The following PDE1A variants were observed in gnomAD, a reference collection of about 807,000 sequenced individuals.
PDE1A encodes dual specificity calcium/calmodulin-dependent 3',5'-cyclic nucleotide phosphodiesterase 1A.
In PDE1A, 35 loss-of-function variants were observed where a neutral mutation model predicts 61.7. That is an observed-to-expected ratio of 0.57 (90% CI 0.43 to 0.75). The LOEUF is 0.75. Ranked by LOEUF, PDE1A falls within the 30% of genes least tolerant of loss-of-function variation. PDE1A has a pLI of 0.00. For synonymous variants in PDE1A, 232 were observed against 213.2 expected (o/e 1.09, Z -0.77); for missense variants, 597 against 630.6 (o/e 0.95, Z 0.57).
the PDE1A span, among the ~76,000 whole-genome samples, chr2:182,600,754 C>T: frequency 1.3e-5 from 2 of 152,136 alleles, no homozygotes; most frequent in Non-Finnish European, 2.9e-5. Flanking sequence ...TTTTAAACAA[C>T]GTGTGGTAGA....
intron 7 of PDE1A, among the ~76,000 whole-genome samples, chr2:182,215,904 TA>T (rs1688133665): frequency 1.7e-5 from 2 of 118,492 alleles, no homozygotes; most frequent in Non-Finnish European, 3.4e-5. Flanking sequence ...GAATCCTCCC[TA>T]ACTCATTTTA....
At chr2:182,192,012 T>C (rs1685740905) in intron 10 of PDE1A, among the ~76,000 whole-genome samples, 2 of 151,936 alleles carry the variant, frequency 1.3e-5, no homozygotes, top group Admixed American at 6.6e-5. Context: ...CCTGCCACCA[T>C]GCTGAGCTAA....
chr2:182,596,538 T>C, the PDE1A span, among the ~76,000 whole-genome samples: 1 of 152,246 alleles, frequency 6.6e-6, no homozygotes, highest in Admixed American at 6.5e-5. Flanking sequence ...TGGTTTATAC[T>C]TTAAATACTT....
chr2:182,335,343 A>T (rs541241490), intron 1 of PDE1A, among the ~76,000 whole-genome samples: 2 of 152,356 alleles, frequency 1.3e-5, no homozygotes, highest in African/African-American at 4.8e-5. Context: ...AGCTGGAGGC[A>T]TCACGCTACC....
chr2:182,494,080 A>G (rs750531199), intron 2 of PDE1A, among the ~76,000 whole-genome samples: 15 of 152,240 alleles, frequency 9.9e-5, no homozygotes, highest in Non-Finnish European at 4.4e-5. Context: ...TGTACATTCA[A>G]AACAATCGAG....
At chr2:182,183,186 T>C (rs539121014) in intron 13 of PDE1A, among the ~76,000 whole-genome samples, 2 of 152,226 alleles carry the variant, frequency 1.3e-5, no homozygotes, top group Non-Finnish European at 2.9e-5. Context: ...TGAAGAGGAA[T>C]ACTTCCTGCT....
intron 1 of PDE1A, among the ~76,000 whole-genome samples, chr2:182,281,473 G>A (rs1693801789): frequency 6.6e-6 from 1 of 151,878 alleles, no homozygotes; most frequent in Non-Finnish European, 1.5e-5. Context: ...AAACCCATCT[G>A]AATGCTAACC....
the PDE1A span, among the ~76,000 whole-genome samples, chr2:182,576,266 C>G: frequency 3.9e-5 from 6 of 152,104 alleles, no homozygotes; most frequent in Admixed American, 1.3e-4. Context: ...TACTTTACGT[C>G]TCTATGAATT....
At chr2:182,429,424 T>C (rs1288812425), upstream of PDE1A, among the ~76,000 whole-genome samples, 1 of 152,096 alleles carries the variant, frequency 6.6e-6, no homozygotes, top group Non-Finnish European at 1.5e-5. Flanking sequence ...CCAAGTCTTC[T>C]ATACAATAGA....
At chr2:182,691,101 A>T in the PDE1A span, among the ~76,000 whole-genome samples, 1 of 152,010 alleles carries the variant, frequency 6.6e-6, no homozygotes, top group Non-Finnish European at 1.5e-5. Flanking sequence ...ATGGCCATAC[A>T]GCCCAAGGTA....
chr2:182,521,542 G>A (rs1358100894), intron 2 of PDE1A, among the ~76,000 whole-genome samples: 3 of 151,898 alleles, frequency 2.0e-5, no homozygotes, highest in Admixed American at 2.0e-4. Context: ...GGAACTAGTA[G>A]CACACACAGC....
At chr2:182,399,245 A>G (rs1038725829) in intron 1 of PDE1A, among the ~76,000 whole-genome samples, 3 of 151,992 alleles carry the variant, frequency 2.0e-5, no homozygotes, top group African/African-American at 7.2e-5. Context: ...ATGCTACAAA[A>G]TAATGCACTT....
chr2:182,460,507 G>C (rs1405995074), intron 2 of PDE1A, among the ~76,000 whole-genome samples: 1 of 152,226 alleles, frequency 6.6e-6, no homozygotes, highest in East Asian at 1.9e-4. Flanking sequence ...CCAAGTATCT[G>C]AGACTAACTA....
At chr2:182,510,669 GA>G (rs1689723662) in intron 2 of PDE1A, among the ~76,000 whole-genome samples, 1 of 152,144 alleles carries the variant, frequency 6.6e-6, no homozygotes, top group African/African-American at 2.4e-5. Flanking sequence ...AGTGACTCAG[GA>G]AAATAAGTCT....
chr2:182,208,845 G>A (rs940332916), intron 7 of PDE1A, among the ~76,000 whole-genome samples: 3 of 152,152 alleles, frequency 2.0e-5, no homozygotes, highest in African/African-American at 2.4e-5. Flanking sequence ...TCTCCCTTTC[G>A]GAATAGGAGC....
the PDE1A span, among the ~76,000 whole-genome samples, chr2:182,570,548 G>A: frequency 6.6e-6 from 1 of 152,170 alleles, no homozygotes; most frequent in Non-Finnish European, 1.5e-5. Context: ...GCATTGTCAT[G>A]TCAAATACAG....
chr2:182,477,946 A>AAAAGGTG (rs1278894110), intron 2 of PDE1A, among the ~76,000 whole-genome samples: 1 of 151,816 alleles, frequency 6.6e-6, no homozygotes, highest in Non-Finnish European at 1.5e-5. Flanking sequence ...GTGTAGGAAG[A>AAAAGGTG]AAAGGTGGGA....
chr2:182,473,281 A>T (rs1048315851), intron 2 of PDE1A, among the ~76,000 whole-genome samples: 2 of 151,966 alleles, frequency 1.3e-5, no homozygotes, highest in African/African-American at 4.8e-5. Flanking sequence ...GACAAATGGG[A>T]TCTAATTCAA....
chr2:182,523,123 C>G (rs1480245371), upstream of PDE1A: 1 of 152,158 alleles, frequency 6.6e-6, no homozygotes, highest in Non-Finnish European at 1.5e-5. Context: ...CAACTCCACA[C>G]AGTAGGTAAC....
Sources: allele counts gnomAD v4.1 joint callset (sites outside exome capture counted in the v4.1 genomes callset), GRCh38; gene constraint gnomAD v4.1.1; transcripts MANE v1.5; gene names NCBI Gene and HGNC (gene_info 2026-07-23, HGNC 2026-07-21).